GRK5: variants seen among roughly 807,000 people sequenced by gnomAD.
The protein encoded by GRK5 is g protein-coupled receptor kinase GRK5.
In GRK5, 40 loss-of-function variants were observed where a neutral mutation model predicts 78.4. The ratio of observed to expected loss-of-function variants is 0.51; its 90% CI spans 0.40 to 0.66. GRK5 has a LOEUF of 0.66. Among genes scored for constraint, GRK5 ranks in the 30% least tolerant of loss-of-function variants. The pLI, the probability that GRK5 is intolerant of heterozygous loss-of-function variation, is 0.00. For synonymous variants in GRK5, 289 were observed against 296.8 expected (o/e 0.97, Z 0.27); for missense variants, 598 against 759.9 (o/e 0.79, Z 2.50).
chr10:119,389,642 G>T (rs1181349262), intron 3 of GRK5, among the ~76,000 whole-genome samples: 1 of 152,240 alleles, frequency 6.6e-6, no homozygotes, highest in African/African-American at 2.4e-5. Context: ...GAGGGGGTCT[G>T]TGAGCCAAGG....
chr10:119,423,446 C>G (rs925586676), intron 5 of GRK5, among the ~76,000 whole-genome samples, 180 bp downstream of exon 5: 3 of 143,050 alleles, frequency 2.1e-5, no homozygotes, highest in African/African-American at 2.6e-5. Flanking sequence ...GGTGCCAAGT[C>G]CAAAGAAAAC....
In GRK5 at chr10:119,457,114, G is replaced by C. The variant is rs1009336894; in HGVS notation, c.*2047G>C. ...CAAGGAAGTAGAAAACTCTTTGAAT[G>C]GTATCTTAAGATCCTTAAGCTCTTG... is the stretch of plus-strand genomic sequence containing the variant. On this transcript the variant is annotated 3_prime_UTR_variant, in exon 16 of 16. Coordinates refer to ENST00000392870, the MANE Select transcript of GRK5 (RefSeq NM_005308.3). 2 of 152,120 alleles carry C rather than the reference G, an allele frequency of 1.3e-5. No individual in the cohort carries two copies. The highest frequency in any genetic ancestry group is 4.8e-5 in the African/African-American group (2 of 41,394). 9.4% of individuals were successfully genotyped at this position (152,120 alleles called of 1,614,324 possible). A position where few individuals can be genotyped will look rare whatever the true frequency, so the allele number is the denominator to read the frequency against.
intron 4 of GRK5, among the ~76,000 whole-genome samples, chr10:119,409,797 G>A (rs1404301196): frequency 6.6e-6 from 1 of 152,202 alleles, no homozygotes; most frequent in African/African-American, 2.4e-5. Flanking sequence ...ATTGAGGAGG[G>A]TGGTGGGTGT....
At position 119,452,549 on chromosome 10, in the gene GRK5, A is replaced by G; in HGVS notation, c.1405-122A>G. On this transcript the variant is annotated intron_variant, in intron 13 of 15. Transcript: ENST00000392870. This position sits in a 1 kb window ranked among gnomAD's most constrained non-coding sequence, Gnocchi z 4.4. ...CACACACCCTCCAGCCACTACCCAT[A>G]GCAGTTCTGGGGGTGTGTCCTGGGA... 1.7e-6 allele frequency: 2 copies of G among 1,161,522 alleles called. No homozygotes were observed. Among genetic ancestry groups the G allele is most frequent in the Non-Finnish European group, 2.4e-6 (2 of 818,558 alleles). 72.0% of individuals were successfully genotyped at this position (1,161,522 alleles called of 1,614,324 possible).
chr10:119,229,927 G>A (rs1848798604), intron 1 of GRK5, among the ~76,000 whole-genome samples: 1 of 152,222 alleles, frequency 6.6e-6, no homozygotes, highest in Admixed American at 6.5e-5. Context: ...ACACATTCAG[G>A]TAGGTGTTGG....
intron 1 of GRK5, among the ~76,000 whole-genome samples, chr10:119,258,208 G>A (rs914924060): frequency 2.0e-5 from 3 of 152,186 alleles, no homozygotes; most frequent in Admixed American, 6.5e-5. Flanking sequence ...CACACCGAGT[G>A]TAGCCTTTTG....
chr10:119,364,779 C>T (rs529087374), intron 2 of GRK5, among the ~76,000 whole-genome samples: 7 of 152,150 alleles, frequency 4.6e-5, no homozygotes, highest in Non-Finnish European at 8.8e-5. Context: ...CATGCAGGTG[C>T]GCAGAAGGAA....
intron 1 of GRK5, among the ~76,000 whole-genome samples, chr10:119,285,950 C>A (rs1170104479): frequency 6.6e-6 from 1 of 150,616 alleles, no homozygotes; most frequent in African/African-American, 2.5e-5. Context: ...CCCCTCCTTT[C>A]CTTGCAAGCT....
At chr10:119,368,453 G>A (rs1851487809) in intron 2 of GRK5, among the ~76,000 whole-genome samples, 1 of 152,210 alleles carries the variant, frequency 6.6e-6, no homozygotes, top group African/African-American at 2.4e-5. Flanking sequence ...CTCTGACGCT[G>A]GAGAAAGGCC....
In GRK5 at chr10:119,346,501, G is replaced by A. The variant is rs543633887; in HGVS notation, c.148+19890G>A. On this transcript the variant is annotated intron_variant, in intron 2 of 15. Coordinates refer to ENST00000392870, the MANE Select transcript of GRK5 (RefSeq NM_005308.3). Reference sequence around the variant, plus strand: ...TATAGAGATTAAATCCACTCATGCCGAAGCTGGCTTCCTGCTTGGGGGATG... The same window carrying A: ...TATAGAGATTAAATCCACTCATGCCAAAGCTGGCTTCCTGCTTGGGGGATG... 5.9e-5 allele frequency among the ~76,000 whole-genome samples: 9 copies of A among 152,358 alleles called. No individual in the cohort carries two copies. The East Asian group carries it at 9.7e-4, about 16-fold the overall frequency.
chr10:119,323,585 C>T (rs1850623284), intron 1 of GRK5, among the ~76,000 whole-genome samples: 2 of 152,158 alleles, frequency 1.3e-5, no homozygotes, highest in African/African-American at 4.8e-5. Flanking sequence ...GTCTGGAGGC[C>T]ACATGTGCTG....
intron 4 of GRK5, among the ~76,000 whole-genome samples, chr10:119,415,123 G>A (rs989469160): frequency 2.6e-5 from 4 of 151,628 alleles, no homozygotes; most frequent in Non-Finnish European, 5.9e-5. Context: ...AAAAGAAATG[G>A]CAGTGATGGC....
intron 1 of GRK5, among the ~76,000 whole-genome samples, chr10:119,216,428 G>A (rs539958784): frequency 1.3e-5 from 2 of 152,354 alleles, no homozygotes; most frequent in Non-Finnish European, 2.9e-5. Context: ...GCTTCCCTGA[G>A]CCTTCTCAGC....
At chr10:119,300,614 C>T (rs1170512497) in intron 1 of GRK5, among the ~76,000 whole-genome samples, 4 of 152,198 alleles carry the variant, frequency 2.6e-5, no homozygotes, top group Admixed American at 2.6e-4. Context: ...ACCTAGGTTC[C>T]CCCTAATCAC....
chr10:119,287,323 AGGGAGG>A lies in GRK5; in HGVS notation c.53-39192_53-39187del, dbSNP rs1849867693. ...AAGAAAGGAAGGGAGGGAGAGAGGG[AGGGAGG>A]AAGGGAGAGAGGAGGAAGGGAAGGA... is the stretch of plus-strand genomic sequence containing the variant. On this transcript the variant is annotated intron_variant, in intron 1 of 15. Transcript: ENST00000392870. Among the ~76,000 whole-genome samples, 2 of 77,172 alleles carry A rather than the reference AGGGAGG, an allele frequency of 2.6e-5. 1 individual carries two copies. Among genetic ancestry groups the A allele is most frequent in the East Asian group, 6.1e-4 (2 of 3,274 alleles). The allele number at this position is 77,172 out of a possible 152,430, so 50.6% of individuals were successfully genotyped here. A position where few individuals can be genotyped will look rare whatever the true frequency, so the allele number is the denominator to read the frequency against.
chr10:119,337,961 T>G (rs1355672748), intron 2 of GRK5, among the ~76,000 whole-genome samples: 1 of 152,120 alleles, frequency 6.6e-6, no homozygotes, highest in Non-Finnish European at 1.5e-5. Context: ...TCATATTGGA[T>G]TAGGGCCCAC....
In GRK5 at chr10:119,431,358, G is replaced by A. The variant is rs758704633; in HGVS notation, c.598-29G>A. On this transcript the variant is annotated intron_variant, in intron 7 of 15. Coordinates refer to ENST00000392870, the MANE Select transcript of GRK5 (RefSeq NM_005308.3). The surrounding 1 kb of genome is among the most constrained non-coding windows in gnomAD (Gnocchi z 4.8). Reference sequence around the variant, plus strand: ...CGGGGCAGGCCTCCACGGTGCTCCTGCCACCCTGGTTTCTTTCTTGCACTG... The same window carrying A: ...CGGGGCAGGCCTCCACGGTGCTCCTACCACCCTGGTTTCTTTCTTGCACTG... 12 of 1,602,046 alleles carry A rather than the reference G, an allele frequency of 7.5e-6. No homozygotes were observed. The highest frequency in any genetic ancestry group is 1.3e-5 in the African/African-American group (1 of 74,648).
intron 4 of GRK5, among the ~76,000 whole-genome samples, chr10:119,409,664 A>T (rs1448746213): frequency 1.3e-4 from 20 of 152,066 alleles, no homozygotes; most frequent in Admixed American, 1.3e-3. Context: ...GGCTGAGGTG[A>T]GGGGCAGGTT....
At chr10:119,436,338 G>A (rs897077308) in intron 8 of GRK5, among the ~76,000 whole-genome samples, 2 of 152,242 alleles carry the variant, frequency 1.3e-5, no homozygotes, top group African/African-American at 4.8e-5. Flanking sequence ...TTCCCCAGCT[G>A]ATGCACACAT....
Sources: gnomAD v4.1 joint callset for allele counts (sites outside exome capture counted in the v4.1 genomes callset) on GRCh38, gnomAD v4.1.1 for gene constraint, Gnocchi (gnomAD v3.1) non-coding constraint, MANE v1.5 for transcripts, NCBI Gene and HGNC (gene_info 2026-07-23, HGNC 2026-07-21) for gene names.